The following ZNF160 variants were observed in gnomAD, a reference collection of about 807,000 sequenced individuals.
ZNF160 encodes the protein zinc finger protein 160.
A neutral mutation model predicts 13.1 loss-of-function variants in ZNF160; 9 were observed. The ratio of observed to expected loss-of-function variants is 0.69; its 90% CI spans 0.41 to 1.20. The LOEUF (loss-of-function observed/expected upper bound fraction) is 1.20, where lower values mean the gene tolerates loss of function less well. ZNF160 is among the 50% of genes most tolerant of loss of function. The probability of loss-of-function intolerance (pLI) is 0.01; values close to 1 mark genes in which losing one functional copy is unlikely to be tolerated. For missense variants in ZNF160, 838 were observed against 988.0 expected (o/e 0.85, Z 2.04); for synonymous variants, 293 against 333.2 (o/e 0.88, Z 1.31).
intron 3 of ZNF160, among the ~76,000 whole-genome samples, chr19:53,076,655 A>C (rs1296995332): frequency 6.6e-6 from 1 of 151,746 alleles, no homozygotes; most frequent in Admixed American, 6.6e-5. Flanking sequence ...AGAAAACTGT[A>C]CTGAAGTGAT....
At chr19:53,094,926 C>T (rs561724394) in intron 1 of ZNF160, among the ~76,000 whole-genome samples, 13 of 152,170 alleles carry the variant, frequency 8.5e-5, no homozygotes, top group Admixed American at 1.3e-4. Context: ...CGGCCCTGCC[C>T]GCTTCCCACA....
Position 53,069,664 on chromosome 19 carries a change from G to T in ZNF160, c.870C>A (p.Cys290Ter), listed in dbSNP as rs10407463. The T allele has an allele frequency of 6.8e-6, 11 of 1,613,930 alleles. No individual in the cohort carries two copies. Among genetic ancestry groups the T allele is most frequent in the Non-Finnish European group, 9.3e-6 (11 of 1,179,980 alleles). ...SGEKPYKCSE[C>*]GKTFTVRSNL... ...TTGAACGAACAGTAAAGGTTTTGCC[G>T]CACTCACTGCATTTGTAAGGCTTCT... The change falls in exon 6 of 6, where the codon TGC becomes TGA. Residue 290 changes from cysteine to a stop codon, truncating the protein, a stop_gained. Coordinates refer to ENST00000683776, the MANE Select transcript of ZNF160 (RefSeq NM_001322131.2). LOFTEE classifies it low-confidence loss of function (END_TRUNC). The surrounding 1 kb of genome is among the most constrained non-coding windows in gnomAD (Gnocchi z 4.4).
Position 53,069,850 on chromosome 19 carries a change from T to A in ZNF160, c.684A>T (p.Gln228His). ...CATGATATTTTTTAGACCTGTGGGT[T>A]TGGACACTAGAAGGAATTTGTTGAA... ...SPLQQIPSSV[Q>H]THRSKKYHEL... The change falls in exon 6 of 6, where the codon CAA becomes CAT. Residue 228 changes from glutamine (Q) to histidine (H), a missense_variant. By Grantham distance (24) the Gln-to-His change is conservative. Transcript: ENST00000683776. This position sits in a 1 kb window ranked among gnomAD's most constrained non-coding sequence, Gnocchi z 4.4. The A allele has an allele frequency of 2.5e-6, 4 of 1,614,148 alleles. No homozygotes were observed. The highest frequency in any genetic ancestry group is 3.4e-6 in the Non-Finnish European group (4 of 1,180,038).
chr19:53,085,965 C>G, intron 3 of ZNF160: 1 of 1,251,630 alleles, frequency 8.0e-7, no homozygotes, highest in Non-Finnish European at 1.1e-6. Context: ...GATGCGGCCC[C>G]TGAGCAATCC....
intron 3 of ZNF160, among the ~76,000 whole-genome samples, chr19:53,079,445 A>C (rs2084535230): frequency 6.7e-6 from 1 of 149,568 alleles, no homozygotes; most frequent in Non-Finnish European, 1.5e-5. Context: ...GGCTACTTGG[A>C]TGGCTGAGGC....
intron 2 of ZNF160, 114 bp from the exon 3 acceptor site, chr19:53,086,435 C>T (rs2084834349): frequency 1.2e-6 from 1 of 823,434 alleles, no homozygotes; most frequent in Non-Finnish European, 1.7e-6. Context: ...GCACAGATCT[C>T]ACCCTGTGGA....
At position 53,077,962 on chromosome 19, in the gene ZNF160, C is replaced by T. The variant is rs1213140741; in HGVS notation, c.16-2779G>A. ...AACTGAATTAAAAAACACACTAGAG[C>T]CAGGCGTGATGGCTCACGCCTGTAA... On this transcript the variant is annotated intron_variant, in intron 3 of 5. Coordinates refer to ENST00000683776, the MANE Select transcript of ZNF160 (RefSeq NM_001322131.2). Among the ~76,000 whole-genome samples, 4 of 152,032 alleles carry T rather than the reference C, an allele frequency of 2.6e-5. 1 individual carries two copies. The highest frequency in any genetic ancestry group is 2.6e-4 in the Admixed American group (4 of 15,252).
At chr19:53,073,418 C>G (rs369042180) in intron 5 of ZNF160, 8 of 1,598,320 alleles carry the variant, frequency 5.0e-6, no homozygotes, top group Non-Finnish European at 5.9e-6. Flanking sequence ...CGAGGGACCT[C>G]GACAGGCGGA....
chr19:53,097,375 T>C (rs2085275598), intron 1 of ZNF160, among the ~76,000 whole-genome samples: 1 of 148,044 alleles, frequency 6.8e-6, no homozygotes, highest in South Asian at 2.2e-4. Context: ...CATCTGCGCC[T>C]GATTCTTAGG....
chr19:53,073,490 T>A, intron 5 of ZNF160: 4 of 1,598,058 alleles, frequency 2.5e-6, no homozygotes, highest in Non-Finnish European at 3.4e-6. Context: ...GCAGCCAATG[T>A]TTCCATCTCC....
At chr19:53,089,749 C>A (rs1208260354) in intron 2 of ZNF160, among the ~76,000 whole-genome samples, 1 of 152,148 alleles carries the variant, frequency 6.6e-6, no homozygotes, top group Non-Finnish European at 1.5e-5. Flanking sequence ...AAGGTCCCCT[C>A]CTTCTTCCTT....
Position 53,069,282 on chromosome 19 carries a change from T to C in ZNF160, c.1252A>G (p.Ile418Val), listed in dbSNP as rs770926600. Residue 418 changes from isoleucine to valine, a missense_variant, in exon 6 of 6, where the codon ATC becomes GTC. Transcript: ENST00000683776. This position sits in a 1 kb window ranked among gnomAD's most constrained non-coding sequence, Gnocchi z 4.4. The stretch of plus-strand genomic sequence containing the variant: ...TTGTAAGGTTTTTCTCCAGTGTGGA[T>C]TGTCTGATGGATTGCTAGGCTTGAA... Reference protein sequence around the residue: ...VRSSLAIHQTIHTGEKPYKCN... With the variant: ...VRSSLAIHQTVHTGEKPYKCN... The C allele has an allele frequency of 1.9e-6, 3 of 1,614,100 alleles. No homozygotes were observed. Among genetic ancestry groups the C allele is most frequent in the East Asian group, 4.5e-5 (2 of 44,866 alleles).
chr19:53,081,610 A>C (rs919229118), intron 3 of ZNF160, among the ~76,000 whole-genome samples: 2 of 151,056 alleles, frequency 1.3e-5, no homozygotes, highest in South Asian at 2.1e-4. Flanking sequence ...GTAAAAAAAA[A>C]ACAACAAATA....
chr19:53,101,605 T>G (rs2085449691), intron 1 of ZNF160, among the ~76,000 whole-genome samples: 1 of 152,128 alleles, frequency 6.6e-6, no homozygotes, highest in Admixed American at 6.5e-5. Context: ...AAGCTTCATC[T>G]CAACCTTCAG....
At chr19:53,094,080 C>T (rs1483248744) in intron 1 of ZNF160, among the ~76,000 whole-genome samples, 3 of 152,128 alleles carry the variant, frequency 2.0e-5, no homozygotes, top group African/African-American at 4.8e-5. Flanking sequence ...AAAATGCATC[C>T]GAAAGCTTCT....
intron 2 of ZNF160, among the ~76,000 whole-genome samples, chr19:53,090,709 G>A (rs1292198035): frequency 1.3e-5 from 2 of 152,144 alleles, no homozygotes; most frequent in Non-Finnish European, 2.9e-5. Flanking sequence ...AGATGGGAGG[G>A]TGTCTCAGGG....
At chr19:53,073,642 C>T in intron 5 of ZNF160, 4 of 1,243,782 alleles carry the variant, frequency 3.2e-6, no homozygotes, top group Non-Finnish European at 4.2e-6. Context: ...GAGGGAGAGA[C>T]CAAGAAAGAA....
At chr19:53,084,093 T>C (rs1004458831) in intron 3 of ZNF160, among the ~76,000 whole-genome samples, 14 of 151,846 alleles carry the variant, frequency 9.2e-5, no homozygotes, top group Non-Finnish European at 1.8e-4. Context: ...GGAGGTTACC[T>C]CGAGAAACAG....
At position 53,074,241 on chromosome 19, in the gene ZNF160, A is replaced by G; in HGVS notation, c.170T>C (p.Ile57Thr). 1 of 1,614,094 alleles carries G rather than the reference A, an allele frequency of 6.2e-7. No homozygotes were observed. The highest frequency in any genetic ancestry group is 2.2e-5 in the East Asian group (1 of 44,880). The change falls in exon 5 of 6, where the codon ATC becomes ACC. Residue 57 changes from isoleucine (I) to threonine (T), a missense_variant. Ile to Thr is a moderately conservative substitution (Grantham distance 89). This residue lies in a region of ZNF160 where 387 missense variants were observed against 402.3 expected (regional missense o/e 0.96). Coordinates refer to ENST00000683776, the MANE Select transcript of ZNF160 (RefSeq NM_001322131.2). ...CTCTTTCCCTTCCTCCAACATGGAG[A>G]TAATATTCATATCAAAATGACACAG... ...LGLCHFDMNI[I>T]SMLEEGKEPW... is the part of the protein sequence containing the mutation.
Sources: gnomAD v4.1 joint callset for allele counts (sites outside exome capture counted in the v4.1 genomes callset) on GRCh38, gnomAD v4.1.1 for gene constraint, gnomAD v4.1.1 regional missense constraint, Gnocchi (gnomAD v3.1) non-coding constraint, MANE v1.5 for transcripts, NCBI Gene and HGNC (gene_info 2026-07-23, HGNC 2026-07-21) for gene names.